Variants in DMRT3 observed in about 807,000 individuals in gnomAD.
DMRT3 encodes the protein doublesex and mab-3 related transcription factor 3, also known as doublesex- and mab-3-related transcription factor 3.
Under a neutral mutation model 34.9 loss-of-function variants are expected in DMRT3, and 29 were observed. The ratio of observed to expected loss-of-function variants is 0.83; its 90% CI spans 0.62 to 1.13. The LOEUF is 1.13. DMRT3 is among the 50% of genes most tolerant of loss of function. The probability of loss-of-function intolerance (pLI) is 0.00; values close to 1 mark genes in which losing one functional copy is unlikely to be tolerated. For synonymous variants in DMRT3, 350 were observed against 286.0 expected (o/e 1.22, Z -2.26); for missense variants, 772 against 629.1 (o/e 1.23, Z -2.43).
intron 1 of DMRT3, among the ~76,000 whole-genome samples, chr9:981,023 C>A (rs1032390968): frequency 6.6e-6 from 1 of 151,502 alleles, no homozygotes; most frequent in Non-Finnish European, 1.5e-5. Context: ...AAAAAGAAAT[C>A]GAAAACATGG....
intron 1 of DMRT3, among the ~76,000 whole-genome samples, chr9:983,710 C>A (rs1367038752): frequency 6.6e-6 from 1 of 152,082 alleles, no homozygotes; most frequent in Non-Finnish European, 1.5e-5. Flanking sequence ...AAGGTATTCC[C>A]TTCTGAGTCA....
chr9:989,932 T>G (rs2130075494), intron 1 of DMRT3, 109 bp from the exon 2 acceptor site: 298 of 1,389,500 alleles, frequency 2.1e-4, no homozygotes, highest in Non-Finnish European at 2.7e-4. Context: ...TATGACCCAT[T>G]GAGATGCATT....
chr9:981,607 C>A (rs1180914521), intron 1 of DMRT3, among the ~76,000 whole-genome samples: 1 of 152,218 alleles, frequency 6.6e-6, no homozygotes, highest in African/African-American at 2.4e-5. Context: ...GACCGGTCTT[C>A]CCAGCTCTTG....
At chr9:980,702 A>G (rs777067327) in intron 1 of DMRT3, among the ~76,000 whole-genome samples, 5 of 134,902 alleles carry the variant, frequency 3.7e-5, no homozygotes, top group Non-Finnish European at 8.3e-5. Context: ...ATGAAAATAC[A>G]GGAGGCATGA....
intron 1 of DMRT3, among the ~76,000 whole-genome samples, chr9:981,678 TG>T (rs1391985374): frequency 6.6e-6 from 1 of 152,120 alleles, no homozygotes; most frequent in African/African-American, 2.4e-5. Context: ...TTGCGGCAGC[TG>T]GCCCAGGACT....
At chr9:984,202 T>A (rs1172584709) in intron 1 of DMRT3, among the ~76,000 whole-genome samples, 1 of 152,154 alleles carries the variant, frequency 6.6e-6, no homozygotes, top group East Asian at 1.9e-4. Flanking sequence ...AAACTACCCA[T>A]CAAGGACCTG....
At position 991,241 on chromosome 9, in the gene DMRT3, G is replaced by C; in HGVS notation, c.*236G>C. The C allele has an allele frequency of 2.2e-6, 1 of 457,380 alleles. No homozygotes were observed. Among genetic ancestry groups the C allele is most frequent in the Non-Finnish European group, 3.8e-6 (1 of 264,442 alleles). The allele number at this position is 457,380 out of a possible 1,614,324, so 28.3% of individuals were successfully genotyped here. ...TGCTGAATGTTTATTGTAAAAGAGA[G>C]TCTAATGTTAAGAATAGTCTTGGGA... On this transcript the variant is annotated 3_prime_UTR_variant, in exon 2 of 2. Transcript: ENST00000190165.
chr9:990,586 T>C lies in DMRT3; in HGVS notation c.1000T>C (p.Phe334Leu). The change falls in exon 2 of 2, where the codon TTT (phenylalanine) becomes CTT (leucine). Residue 334 changes from phenylalanine to leucine, a missense_variant. Coordinates refer to ENST00000190165, the MANE Select transcript of DMRT3 (RefSeq NM_021240.4). ...TTCCAAATGGTCTGTGGGATCAGCCTTTCGAGTCCCAGACACGTTGAGGTT... is the reference window on the plus strand; with the variant it reads ...TTCCAAATGGTCTGTGGGATCAGCCCTTCGAGTCCCAGACACGTTGAGGTT... ...SSSKWSVGSA[F>L]RVPDTLRFSA... 3.7e-6 allele frequency: 6 copies of C among 1,614,110 alleles called. No individual in the cohort carries two copies. Among genetic ancestry groups the C allele is most frequent in the Non-Finnish European group, 5.1e-6 (6 of 1,180,022 alleles).
chr9:980,205 C>T (rs1352623875), intron 1 of DMRT3, among the ~76,000 whole-genome samples: 2 of 152,120 alleles, frequency 1.3e-5, no homozygotes, highest in Non-Finnish European at 2.9e-5. Context: ...GGAAAACCAC[C>T]CCGTTGAGGG....
At chr9:982,090 A>T (rs936041843) in intron 1 of DMRT3, among the ~76,000 whole-genome samples, 1 of 152,220 alleles carries the variant, frequency 6.6e-6, no homozygotes, top group African/African-American at 2.4e-5. Context: ...TTCTTTGTTT[A>T]TTTGATGGTC....
At chr9:980,525 T>C (rs1820202962) in intron 1 of DMRT3, among the ~76,000 whole-genome samples, 1 of 152,112 alleles carries the variant, frequency 6.6e-6, no homozygotes, top group Non-Finnish European at 1.5e-5. Context: ...TGTATAGATA[T>C]ATTAAGCTAT....
Position 991,037 on chromosome 9 carries a change from A to G in DMRT3, c.*32A>G. On this transcript the variant is annotated 3_prime_UTR_variant, in exon 2 of 2. Coordinates refer to ENST00000190165, the MANE Select transcript of DMRT3 (RefSeq NM_021240.4). ...GCTGGATGGGTGGTGGCCAGGTGAC[A>G]TTTTCTGTGCGTTTTGACCCTGAGG... 1 of 1,577,968 alleles carries G rather than the reference A, an allele frequency of 6.3e-7. No homozygotes were observed. The highest frequency in any genetic ancestry group is 8.6e-7 in the Non-Finnish European group (1 of 1,158,744).
chr9:985,428 A>G (rs1820271727), intron 1 of DMRT3, among the ~76,000 whole-genome samples: 1 of 152,178 alleles, frequency 6.6e-6, no homozygotes, highest in South Asian at 2.1e-4. Context: ...GCAGTTTCAC[A>G]TTTCTATGTC....
rs765744578 is a variant in DMRT3, at chr9:990,580, T to C, written c.994T>C (p.Ser332Pro). Residue 332 changes from serine (S) to proline (P), a missense_variant, in exon 2 of 2, where the codon TCA (serine) becomes CCA (proline). By Grantham distance (74) the Ser-to-Pro change is moderately conservative. Coordinates refer to ENST00000190165, the MANE Select transcript of DMRT3 (RefSeq NM_021240.4). ...PISSSKWSVG[S>P]AFRVPDTLRF... ...CTCGTCTTCCAAATGGTCTGTGGGA[T>C]CAGCCTTTCGAGTCCCAGACACGTT... 1 of 1,614,024 alleles carries C rather than the reference T, an allele frequency of 6.2e-7. No homozygotes were observed. The highest frequency in any genetic ancestry group is 8.5e-7 in the Non-Finnish European group (1 of 1,180,032).
chr9:979,857 A>G (rs1586682359), intron 1 of DMRT3, among the ~76,000 whole-genome samples: 1 of 152,252 alleles, frequency 6.6e-6, no homozygotes, highest in South Asian at 2.1e-4. Flanking sequence ...ATTTAGAAGC[A>G]TATCAGAACT....
rs1346836407 is a variant in DMRT3 at position 990,160 on chromosome 9, CCT to C, written c.575_576del (p.Pro192ArgfsTer4). On this transcript the variant is annotated frameshift_variant, in exon 2 of 2. Transcript: ENST00000190165. LOFTEE classifies it high-confidence loss of function. ...DVAKSKGCFT[P>X]ESPEIVSVEE... Reference sequence around the variant, plus strand: ...GGCAAAGAGTAAGGGCTGCTTCACCCCTGAGAGCCCTGAGATAGTGTCCGTGG... The same window carrying C: ...GGCAAAGAGTAAGGGCTGCTTCACCCGAGAGCCCTGAGATAGTGTCCGTGG... The C allele has an allele frequency of 2.5e-6, 4 of 1,613,890 alleles. No individual in the cohort carries two copies. Among genetic ancestry groups the C allele is most frequent in the East Asian group, 2.2e-5 (1 of 44,864 alleles).
At position 991,170 on chromosome 9, in the gene DMRT3, T is replaced by C. The variant is rs970882561; in HGVS notation, c.*165T>C. 2.2e-6 allele frequency: 2 copies of C among 916,384 alleles called. No homozygotes were observed. Among genetic ancestry groups the C allele is most frequent in the Admixed American group, 2.8e-5 (1 of 35,650 alleles). 56.8% of individuals were successfully genotyped at this position (916,384 alleles called of 1,614,324 possible). Reference sequence around the variant, plus strand: ...TAAAAACATAACTTATTTAACTTCTTGCACTTCACTGGAAAATGCCAAATA... The same window carrying C: ...TAAAAACATAACTTATTTAACTTCTCGCACTTCACTGGAAAATGCCAAATA... On this transcript the variant is annotated 3_prime_UTR_variant, in exon 2 of 2. Coordinates refer to ENST00000190165, the MANE Select transcript of DMRT3 (RefSeq NM_021240.4).
In DMRT3 at chr9:990,640, A is replaced by G. The variant is rs773777447; in HGVS notation, c.1054A>G (p.Ser352Gly). 2 of 1,614,102 alleles carry G rather than the reference A, an allele frequency of 1.2e-6. No individual in the cohort carries two copies. Among genetic ancestry groups the G allele is most frequent in the Non-Finnish European group, 1.7e-6 (2 of 1,180,006 alleles). The change falls in exon 2 of 2, where the codon AGT becomes GGT. Residue 352 changes from serine to glycine, a missense_variant. By Grantham distance (56) the Ser-to-Gly change is moderately conservative. Coordinates refer to ENST00000190165, the MANE Select transcript of DMRT3 (RefSeq NM_021240.4). ...FSADSSNVVP[S>G]PLAGPLQPPF... is the part of the protein sequence containing the mutation. ...TGCCGACTCTAGCAACGTTGTCCCC[A>G]GTCCCTTGGCTGGGCCTCTGCAGCC...
At position 977,079 on chromosome 9, in the gene DMRT3, G is replaced by C. The variant is rs776446590; in HGVS notation, c.78G>C (p.Thr26=). The change falls in exon 1 of 2, where the codon ACG becomes ACC. Residue 26 remains threonine (T), a synonymous_variant. Transcript: ENST00000190165. ...CGCCACGGGCGCCCCTGCAGCGCACGCCCAAGTGCGCGCGCTGCCGCAACC... is the reference window on the plus strand; with the variant it reads ...CGCCACGGGCGCCCCTGCAGCGCACCCCCAAGTGCGCGCGCTGCCGCAACC... The part of the protein sequence containing the change: ...SQPPRAPLQR[T]PKCARCRNHG... The C allele has an allele frequency of 4.4e-6, 7 of 1,593,578 alleles. No homozygotes were observed. The South Asian group carries it at 7.9e-5, about 18-fold the overall frequency.
Sources: gnomAD v4.1 joint callset for allele counts (sites outside exome capture counted in the v4.1 genomes callset) on GRCh38, gnomAD v4.1.1 for gene constraint, MANE v1.5 for transcripts, NCBI Gene and HGNC (gene_info 2026-07-23, HGNC 2026-07-21) for gene names.